CSMD2: variants seen among roughly 807,000 people sequenced by gnomAD.
CSMD2 encodes the protein CUB and Sushi multiple domains 2.
A neutral mutation model predicts 398.5 loss-of-function variants in CSMD2; 130 were observed. The observed-to-expected ratio is 0.33, with a 90% CI of 0.28 to 0.38. The LOEUF is 0.38. Ranked by LOEUF, CSMD2 falls within the 10% of genes least tolerant of loss-of-function variation. The pLI is 1.00. For synonymous variants in CSMD2, 1,828 were observed against 1,908.5 expected, an observed-to-expected ratio of 0.96 and a Z score of 1.10; for missense variants, 3,829 against 4,764.9, an observed-to-expected ratio of 0.80 and a Z score of 5.78.
intron 3 of CSMD2, among the ~76,000 whole-genome samples, chr1:33,943,143 C>G (rs1327942850): frequency 6.6e-6 from 1 of 152,122 alleles, no homozygotes; most frequent in Non-Finnish European, 1.5e-5. Flanking sequence ...CTGGGTGACT[C>G]TCATGAGAAT....
intron 3 of CSMD2, among the ~76,000 whole-genome samples, chr1:33,970,106 CAAAA>C (rs1217263931): frequency 1.0e-5 from 1 of 98,800 alleles, no homozygotes; most frequent in Non-Finnish European, 2.1e-5. Flanking sequence ...AACTCCATCT[CAAAA>C]AAAAAAAAAA....
intron 48 of CSMD2, among the ~76,000 whole-genome samples, chr1:33,577,702 C>CA (rs1384613160): frequency 4.6e-5 from 7 of 151,880 alleles, no homozygotes; most frequent in Admixed American, 6.6e-5. Flanking sequence ...CAAAACAAAA[C>CA]AAAAAAAACC....
At chr1:33,669,181 A>G in intron 25 of CSMD2, among the ~76,000 whole-genome samples, 1 of 152,198 alleles carries the variant, frequency 6.6e-6, no homozygotes, top group East Asian at 1.9e-4. Context: ...CTGGTACCAA[A>G]GGCCTTTCTT....
intron 9 of CSMD2, 98 bp from the exon 10 acceptor site, chr1:33,810,962 G>T: frequency 7.3e-7 from 1 of 1,363,672 alleles, no homozygotes; most frequent in Non-Finnish European, 1.0e-6. Flanking sequence ...CATCTGTACA[G>T]TTCCCACCCT....
In CSMD2 at chr1:33,787,036, T is replaced by C. The variant is rs548321731; in HGVS notation, c.1663+1564A>G. On this transcript the variant is annotated intron_variant, in intron 12 of 70. Transcript: ENST00000373381. ...AGTAGGGAGGGCCCTTAGTCTAATA[T>C]GCTGGTGTCCTTATAAGAAGAGGAC... 3.9e-5 allele frequency among the ~76,000 whole-genome samples: 6 copies of C among 152,316 alleles called. No homozygotes were observed. In the East Asian group the frequency reaches 1.2e-3, roughly 29 times the overall value.
At chr1:33,554,444 C>T (rs1000518500) in intron 55 of CSMD2, among the ~76,000 whole-genome samples, 9 of 152,018 alleles carry the variant, frequency 5.9e-5, no homozygotes, top group South Asian at 4.1e-4. Context: ...CCACCTGCCT[C>T]GGCCTCCCAA....
chr1:33,817,840 C>T (rs758020416), intron 9 of CSMD2, among the ~76,000 whole-genome samples: 1 of 152,292 alleles, frequency 6.6e-6, no homozygotes, highest in South Asian at 2.1e-4. Flanking sequence ...TGGATTTGTA[C>T]CATGATTTCC....
rs771004287 is a variant in CSMD2, at chr1:33,636,445, G to A, written c.4884C>T (p.Tyr1628=). Reference sequence around the variant, plus strand: ...TCAGGGTCGAGGTGCCCTCAACTTCGTAGCCCCCGTGGCAGTAGTAGGTGA... The same window carrying A: ...TCAGGGTCGAGGTGCCCTCAACTTCATAGCCCCCGTGGCAGTAGTAGGTGA... ...SSVTYYCHGG[Y]EVEGTSTLSC... is the part of the protein sequence containing the mutation. Residue 1628 remains tyrosine, a synonymous_variant, in exon 30 of 71, where the codon TAC becomes TAT. Transcript: ENST00000373381. The surrounding 1 kb of genome is among the most constrained non-coding windows in gnomAD (Gnocchi z 4.8). 74 of 1,614,030 alleles carry A rather than the reference G, an allele frequency of 4.6e-5. No individual in the cohort carries two copies. Among genetic ancestry groups the A allele is most frequent in the Admixed American group, 5.0e-5 (3 of 60,002 alleles).
chr1:33,571,889 G>A (rs1659629487), intron 50 of CSMD2, among the ~76,000 whole-genome samples, 163 bp from the exon 51 acceptor site: 1 of 152,116 alleles, frequency 6.6e-6, no homozygotes, highest in South Asian at 2.1e-4. Flanking sequence ...TGGGTTGGGT[G>A]GGGGATGTGG....
intron 3 of CSMD2, among the ~76,000 whole-genome samples, 153 bp from the exon 4 acceptor site, chr1:33,936,107 G>A (rs1045985471): frequency 3.3e-5 from 5 of 152,186 alleles, no homozygotes; most frequent in Admixed American, 1.3e-4. Context: ...TGATCTGCCC[G>A]CTTCTCAAGG....
At chr1:34,165,752 G>T (rs746132882), upstream of CSMD2, 5 of 1,614,020 alleles carry the variant, frequency 3.1e-6, no homozygotes, top group Non-Finnish European at 4.2e-6. Flanking sequence ...CTTACCAGCT[G>T]ATCTTGGGTG....
At chr1:33,862,088 C>A (rs1284177311) in intron 5 of CSMD2, 2 of 152,210 alleles carry the variant, frequency 1.3e-5, no homozygotes, top group Non-Finnish European at 2.9e-5. Flanking sequence ...GGAAGGGCAA[C>A]TCTTAGATAC....
At chr1:34,159,338 C>CCT (rs56893007) in intron 1 of CSMD2, among the ~76,000 whole-genome samples, 18,487 of 141,596 alleles carry the variant, frequency 0.13, 1,240 homozygotes, top group East Asian at 0.33. Flanking sequence ...GCCCCCCCCC[C>CCT]ACCCAGGAGC....
chr1:34,136,812 T>C (rs1638798344), intron 1 of CSMD2, among the ~76,000 whole-genome samples: 1 of 152,202 alleles, frequency 6.6e-6, no homozygotes, highest in South Asian at 2.1e-4. Flanking sequence ...CATCTGTCTA[T>C]ATGTCTACTC....
intron 6 of CSMD2, among the ~76,000 whole-genome samples, chr1:33,833,781 G>A (rs1659901256): frequency 6.6e-6 from 1 of 152,102 alleles, no homozygotes; most frequent in African/African-American, 2.4e-5. Flanking sequence ...ATCTCCTTAA[G>A]CTGATAAGGA....
chr1:33,806,324 G>T (rs1293156815), intron 10 of CSMD2, among the ~76,000 whole-genome samples: 3 of 152,150 alleles, frequency 2.0e-5, no homozygotes. Flanking sequence ...ACATGGGTTT[G>T]CAGCCTTCAT....
rs145169387 is a variant in CSMD2, at chr1:34,070,068, C to T, written c.404+18909G>A. On this transcript the variant is annotated intron_variant, in intron 2 of 70. Transcript: ENST00000373381. ...GTTTGAAGCTTTAATTAAATCTATC[C>T]GGCACTATCTAATTAAAGAAAATCT... Among the ~76,000 whole-genome samples the T allele has an allele frequency of 1.6e-3, 249 of 152,260 alleles. 1 individual carries two copies. The highest frequency in any genetic ancestry group is 2.8e-3 in the Non-Finnish European group (192 of 68,014).
At chr1:34,124,366 A>C (rs1662523646) in intron 1 of CSMD2, among the ~76,000 whole-genome samples, 1 of 152,186 alleles carries the variant, frequency 6.6e-6, no homozygotes. Flanking sequence ...ACTAGGAGAA[A>C]GGGAAGGGCA....
In CSMD2 at chr1:33,998,419, C is replaced by A. The variant is rs1646793952; in HGVS notation, c.517+34175G>T. On this transcript the variant is annotated intron_variant, in intron 3 of 70. Coordinates refer to ENST00000373381, the MANE Select transcript of CSMD2 (RefSeq NM_001281956.2). Reference sequence around the variant, plus strand: ...TAAACAACAGAAAACAGACTAAGATCTCCAGCTCACGTACATGCAAAATGA... The same window carrying A: ...TAAACAACAGAAAACAGACTAAGATATCCAGCTCACGTACATGCAAAATGA... Among the ~76,000 whole-genome samples, 4 of 152,218 alleles carry A rather than the reference C, an allele frequency of 2.6e-5. 1 individual carries two copies. Among genetic ancestry groups the A allele is most frequent in the Admixed American group, 2.6e-4 (4 of 15,284 alleles).
Sources: allele counts gnomAD v4.1 joint callset (sites outside exome capture counted in the v4.1 genomes callset), GRCh38; gene constraint gnomAD v4.1.1; non-coding constraint Gnocchi (gnomAD v3.1); transcripts MANE v1.5; gene names NCBI Gene and HGNC (gene_info 2026-07-23, HGNC 2026-07-21).